WSCD1: variants seen among roughly 807,000 people sequenced by gnomAD.
The protein encoded by WSCD1 is WSC domain sialate O sulfotransferase 1.
WSCD1 carries 41 observed loss-of-function variants against 60.4 expected under a neutral mutation model. The ratio of observed to expected loss-of-function variants is 0.68; its 90% CI spans 0.53 to 0.88. The LOEUF (loss-of-function observed/expected upper bound fraction) is 0.88. WSCD1 is among the 40% of genes least tolerant of loss of function. WSCD1 has a pLI of 0.00. For missense variants in WSCD1, 784 were observed against 796.2 expected (o/e 0.98, Z 0.18); for synonymous variants, 361 against 332.5 (o/e 1.09, Z -0.93).
intron 7 of WSCD1, among the ~76,000 whole-genome samples, chr17:6,113,066 A>G (rs903482682): frequency 1.3e-5 from 2 of 152,174 alleles, no homozygotes; most frequent in African/African-American, 4.8e-5. Context: ...CTTTAGTAAC[A>G]AAAAACAGCA....
Position 6,095,204 on chromosome 17 carries a change from C to T in WSCD1, c.830C>T (p.Ser277Leu), listed in dbSNP as rs376657389. 2.4e-5 allele frequency: 39 copies of T among 1,613,312 alleles called. No individual in the cohort carries two copies. Among genetic ancestry groups the T allele is most frequent in the East Asian group, 1.6e-4 (7 of 44,842 alleles). Residue 277 changes from serine (S) to leucine (L), a missense_variant, in exon 5 of 9, where the codon TCG becomes TTG. Transcript: ENST00000317744. ...IQANVTVGTC[S>L]GFCSQKEFPL... Reference sequence around the variant, plus strand: ...GCCAATGTGACCGTGGGGACTTGCTCGGGCTTTTGTTCCCAGAAAGTAAGA... The same window carrying T: ...GCCAATGTGACCGTGGGGACTTGCTTGGGCTTTTGTTCCCAGAAAGTAAGA...
Position 6,075,960 on chromosome 17 carries a change from T to A in WSCD1, c.-288-4411T>A, listed in dbSNP as rs1021089113. 1.3e-5 allele frequency among the ~76,000 whole-genome samples: 2 copies of A among 152,242 alleles called. No homozygotes were observed. The highest frequency in any genetic ancestry group is 2.9e-5 in the Non-Finnish European group (2 of 68,020). On this transcript the variant is annotated intron_variant, in intron 1 of 8. Transcript: ENST00000317744. The surrounding 1 kb of genome is among the most constrained non-coding windows in gnomAD (Gnocchi z 4.1). The stretch of plus-strand genomic sequence containing the variant: ...CAAGGCACTGTCTGGAAGGCTTGGC[T>A]GGGGAGACACCATGTGTGGCATCAT...
chr17:6,109,300 C>G (rs746063058), intron 5 of WSCD1, among the ~76,000 whole-genome samples: 16 of 152,238 alleles, frequency 1.1e-4, no homozygotes, highest in Non-Finnish European at 8.8e-5. Context: ...CCCCTGCTTT[C>G]TGCACGTCGC....
chr17:6,122,630 TG>T lies in WSCD1; in HGVS notation c.*1973del. The T allele has an allele frequency of 6.6e-6, 1 of 152,516 alleles. No individual in the cohort carries two copies. The highest frequency in any genetic ancestry group is 1.5e-5 in the Non-Finnish European group (1 of 68,410). 9.4% of individuals were successfully genotyped at this position (152,516 alleles called of 1,614,324 possible). ...TTGAAAGCAATGTCAGGCGTGGCAG[TG>T]GGGAAGCCATGGAGGCTGGGAAGGG... On this transcript the variant is annotated 3_prime_UTR_variant, in exon 9 of 9. Coordinates refer to ENST00000317744, the MANE Select transcript of WSCD1 (RefSeq NM_015253.2).
chr17:6,102,114 G>A (rs950133334), intron 5 of WSCD1, among the ~76,000 whole-genome samples: 3 of 152,124 alleles, frequency 2.0e-5, no homozygotes, highest in African/African-American at 7.2e-5. Flanking sequence ...AATTCTTTAC[G>A]CATTAATCAC....
chr17:6,097,297 C>G (rs1747880322), intron 5 of WSCD1, among the ~76,000 whole-genome samples: 1 of 152,270 alleles, frequency 6.6e-6, no homozygotes, highest in African/African-American at 2.4e-5. Context: ...TAAATAGGAA[C>G]ATGCTTACTT....
chr17:6,070,813 G>A (rs1365730868), intron 1 of WSCD1, among the ~76,000 whole-genome samples, 161 bp downstream of exon 1: 1 of 151,308 alleles, frequency 6.6e-6, no homozygotes, highest in Admixed American at 6.6e-5. Context: ...GCACCTTCCC[G>A]GGGGCCCGGG....
chr17:6,070,812 C>T (rs1212713350), intron 1 of WSCD1, among the ~76,000 whole-genome samples, 160 bp downstream of exon 1: 1 of 135,664 alleles, frequency 7.4e-6, no homozygotes, highest in East Asian at 2.4e-4. Flanking sequence ...GGCACCTTCC[C>T]GGGGGCCCGG....
chr17:6,075,336 T>C lies in WSCD1; in HGVS notation c.-289+4684T>C, dbSNP rs1244506442. Among the ~76,000 whole-genome samples, 2 of 152,098 alleles carry C rather than the reference T, an allele frequency of 1.3e-5. No individual in the cohort carries two copies. Among genetic ancestry groups the C allele is most frequent in the African/African-American group, 4.8e-5 (2 of 41,400 alleles). On this transcript the variant is annotated intron_variant, in intron 1 of 8. Coordinates refer to ENST00000317744, the MANE Select transcript of WSCD1 (RefSeq NM_015253.2). The surrounding 1 kb of genome is among the most constrained non-coding windows in gnomAD (Gnocchi z 4.1). ...CATCTGACTGAACCCCAGTGGCCAC[T>C]GGCTGCACCTGGGCCAGCTCCGAGT...
At chr17:6,095,067 C>T (rs1249744047) in intron 4 of WSCD1, 35 bp from the exon 5 acceptor site, 5 of 1,591,376 alleles carry the variant, frequency 3.1e-6, no homozygotes, top group Non-Finnish European at 3.4e-6. Flanking sequence ...AACTGGACAC[C>T]ATCTCTTACC....
At chr17:6,088,907 C>T (rs970007000) in intron 3 of WSCD1, among the ~76,000 whole-genome samples, 1 of 152,066 alleles carries the variant, frequency 6.6e-6, no homozygotes, top group Admixed American at 6.5e-5. Context: ...CTCAGCCTCC[C>T]GAGTAGCTGG....
chr17:6,099,652 C>T (rs1373798485), intron 5 of WSCD1, among the ~76,000 whole-genome samples: 4 of 152,112 alleles, frequency 2.6e-5, no homozygotes, highest in African/African-American at 4.8e-5. Flanking sequence ...TGATGACCTG[C>T]ATTTGCATAT....
chr17:6,117,520 G>A (rs1339997490), intron 7 of WSCD1, among the ~76,000 whole-genome samples: 1 of 152,236 alleles, frequency 6.6e-6, no homozygotes, highest in African/African-American at 2.4e-5. Context: ...GAGAGCCCTG[G>A]CGCTGTTTTC....
At chr17:6,120,190 C>A in intron 8 of WSCD1, 119 bp from the exon 9 acceptor site, 1 of 1,106,924 alleles carries the variant, frequency 9.0e-7, no homozygotes, top group Non-Finnish European at 1.3e-6. Context: ...GCCAGGTTGA[C>A]TCTAGGCAGT....
chr17:6,116,763 G>A (rs897396857), intron 7 of WSCD1, among the ~76,000 whole-genome samples: 7 of 152,228 alleles, frequency 4.6e-5, no homozygotes, highest in East Asian at 1.9e-4. Flanking sequence ...GCATCAAAGC[G>A]TCCCTCAGTG....
rs200133888 is a variant in WSCD1 at position 6,087,945 on chromosome 17, A to C, written c.428-45A>C. On this transcript the variant is annotated intron_variant, in intron 2 of 8. Coordinates refer to ENST00000317744, the MANE Select transcript of WSCD1 (RefSeq NM_015253.2). ...CCTGGCTTTTCCTAAGGGTGGGCCCATGATTCCTGGGCCTCTGGTATTAGC... is the reference window on the plus strand; with the variant it reads ...CCTGGCTTTTCCTAAGGGTGGGCCCCTGATTCCTGGGCCTCTGGTATTAGC... 9.2e-6 allele frequency: 14 copies of C among 1,523,724 alleles called. No homozygotes were observed. The Admixed American group carries it at 2.2e-4, about 24-fold the overall frequency. The allele number at this position is 1,523,724 out of a possible 1,614,324, so 94.4% of individuals were successfully genotyped here. A position where few individuals can be genotyped will look rare whatever the true frequency, so the allele number is the denominator to read the frequency against.
chr17:6,097,117 G>A (rs773413443), intron 5 of WSCD1, among the ~76,000 whole-genome samples: 27 of 152,226 alleles, frequency 1.8e-4, no homozygotes, highest in Non-Finnish European at 2.8e-4. Context: ...GGCACAGAGC[G>A]GCCGGCTTTG....
Position 6,110,653 on chromosome 17 carries a change from G to C in WSCD1, c.1010-118G>C, listed in dbSNP as rs956671070. ...AGATCTCTTCCCTTCTTTGGGCCTTGGTTCCCCCATCTATTAAATGGGAGT... is the reference window on the plus strand; with the variant it reads ...AGATCTCTTCCCTTCTTTGGGCCTTCGTTCCCCCATCTATTAAATGGGAGT... On this transcript the variant is annotated intron_variant, in intron 6 of 8. Transcript: ENST00000317744. This position sits in a 1 kb window ranked among gnomAD's most constrained non-coding sequence, Gnocchi z 4.8. 2.3e-6 allele frequency: 3 copies of C among 1,331,226 alleles called. No homozygotes were observed. In the African/African-American group the frequency reaches 4.4e-5, roughly 20 times the overall value. 82.5% of individuals were successfully genotyped at this position (1,331,226 alleles called of 1,614,324 possible). A position where few individuals can be genotyped will look rare whatever the true frequency, so the allele number is the denominator to read the frequency against.
chr17:6,103,429 C>T (rs1357054811), intron 5 of WSCD1, among the ~76,000 whole-genome samples: 2 of 152,204 alleles, frequency 1.3e-5, no homozygotes, highest in African/African-American at 2.4e-5. Context: ...TTCTGAGTCA[C>T]ACTGTGTTTC....
Sources: gnomAD v4.1 joint callset for allele counts (sites outside exome capture counted in the v4.1 genomes callset) on GRCh38, gnomAD v4.1.1 for gene constraint, Gnocchi (gnomAD v3.1) non-coding constraint, MANE v1.5 for transcripts, NCBI Gene and HGNC (gene_info 2026-07-23, HGNC 2026-07-21) for gene names.